Variants in ACTR3C observed in about 807,000 individuals in gnomAD.
ACTR3C encodes the protein actin-related protein 3C.
A neutral mutation model predicts 26.3 loss-of-function variants in ACTR3C; 18 were observed. That is an observed-to-expected ratio of 0.68 (90% CI 0.47 to 1.01). ACTR3C has a LOEUF of 1.01. ACTR3C is among the 50% of genes least tolerant of loss of function. The probability of loss-of-function intolerance (pLI) is 0.00; values close to 1 mark genes in which losing one functional copy is unlikely to be tolerated. For synonymous variants in ACTR3C, 55 were observed against 94.5 expected (o/e 0.58, Z 2.42); for missense variants, 184 against 250.7 (o/e 0.73, Z 1.80).
chr7:150,042,495 C>T, the ACTR3C span, among the ~76,000 whole-genome samples: 125 of 142,310 alleles, frequency 8.8e-4, no homozygotes, highest in African/African-American at 2.9e-3. Context: ...GTCCCCGCCT[C>T]GCGGGGATTG....
At chr7:150,220,335 C>T in the ACTR3C span, among the ~76,000 whole-genome samples, 5 of 146,536 alleles carry the variant, frequency 3.4e-5, no homozygotes, top group Non-Finnish European at 5.9e-5. Flanking sequence ...CCCAGATTCT[C>T]TACCTTCAAA....
the ACTR3C span, among the ~76,000 whole-genome samples, chr7:150,157,603 A>G: frequency 1.3e-5 from 2 of 152,048 alleles, no homozygotes; most frequent in East Asian, 3.9e-4. Flanking sequence ...AGGTGATCAC[A>G]TTATCTTTAG....
chr7:150,265,099 G>T (rs1479644031), intron 6 of ACTR3C, among the ~76,000 whole-genome samples: 7 of 152,042 alleles, frequency 4.6e-5, no homozygotes, highest in Non-Finnish European at 7.4e-5. Flanking sequence ...CTTCAAAAAG[G>T]CCAGTTTACC....
the ACTR3C span, among the ~76,000 whole-genome samples, chr7:149,971,493 G>A: frequency 1.3e-5 from 2 of 152,128 alleles, no homozygotes; most frequent in Non-Finnish European, 2.9e-5. Context: ...TCTTAGCTTT[G>A]CTCTTCTCTA....
intron 3 of ACTR3C, among the ~76,000 whole-genome samples, chr7:150,290,420 G>T (rs1210915467): frequency 6.6e-6 from 1 of 152,242 alleles, no homozygotes; most frequent in African/African-American, 2.4e-5. Context: ...CATCCAGCTT[G>T]TTCTACAGGG....
At chr7:150,142,624 G>A in the ACTR3C span, among the ~76,000 whole-genome samples, 1 of 152,000 alleles carries the variant, frequency 6.6e-6, no homozygotes, top group Non-Finnish European at 1.5e-5. Context: ...CGCCTCCCGG[G>A]TTCAAGCGAT....
At chr7:149,920,064 C>T in the ACTR3C span, among the ~76,000 whole-genome samples, 1 of 152,044 alleles carries the variant, frequency 6.6e-6, no homozygotes, top group Non-Finnish European at 1.5e-5. Flanking sequence ...TGGCTTATTT[C>T]TCCAAGAAAG....
chr7:150,299,945 G>A (rs1584965138), intron 1 of ACTR3C, among the ~76,000 whole-genome samples: 1 of 151,506 alleles, frequency 6.6e-6, no homozygotes, highest in African/African-American at 2.4e-5. Flanking sequence ...ATGGCTAATA[G>A]GGCACAAATA....
chr7:150,086,957 C>T, the ACTR3C span, among the ~76,000 whole-genome samples: 1 of 152,092 alleles, frequency 6.6e-6, no homozygotes, highest in East Asian at 1.9e-4. Flanking sequence ...AAGATAAAGA[C>T]AAGAAAGTAG....
At chr7:149,946,690 A>G in the ACTR3C span, among the ~76,000 whole-genome samples, 3,009 of 152,300 alleles carry the variant, frequency 0.02, 88 homozygotes, top group African/African-American at 0.068. Flanking sequence ...TAAATTTTTA[A>G]GTTCCAAATT....
chr7:150,286,324 G>A (rs1206455343), intron 5 of ACTR3C, 43 bp downstream of exon 5: 7 of 1,596,666 alleles, frequency 4.4e-6, no homozygotes, highest in South Asian at 1.1e-5. Context: ...TGGCAGTATC[G>A]CTCCATCCCA....
intron 2 of ACTR3C, among the ~76,000 whole-genome samples, chr7:150,294,469 TAGGCC>T (rs1836564216): frequency 6.6e-6 from 1 of 152,238 alleles, no homozygotes; most frequent in Admixed American, 6.5e-5. Context: ...AGTGTTTCCC[TAGGCC>T]ATGGAATATA....
At chr7:150,018,346 AT>A in the ACTR3C span, among the ~76,000 whole-genome samples, 274 of 143,156 alleles carry the variant, frequency 1.9e-3, 8 homozygotes, top group African/African-American at 4.8e-3. Context: ...TGGCCCAGGC[AT>A]TTTTTTTTTT....
chr7:150,224,637 C>G, the ACTR3C span, among the ~76,000 whole-genome samples: 1 of 152,118 alleles, frequency 6.6e-6, no homozygotes, highest in Admixed American at 6.5e-5. Context: ...GATTTCCTGG[C>G]CTGAGGGAGT....
chr7:150,023,338 C>CATACATACATACATAGATAG, the ACTR3C span, among the ~76,000 whole-genome samples: 2 of 46,056 alleles, frequency 4.3e-5, no homozygotes, highest in Admixed American at 3.2e-4. Flanking sequence ...TACATACATA[C>CATACATACATACATAGATAG]ATATATATTT....
At chr7:150,014,231 G>A in the ACTR3C span, among the ~76,000 whole-genome samples, 51 of 152,212 alleles carry the variant, frequency 3.4e-4, 1 homozygote, top group Middle Eastern at 6.8e-3. Context: ...CGAGGTGGGC[G>A]GATCACGAGG....
At chr7:150,148,437 A>G in the ACTR3C span, among the ~76,000 whole-genome samples, 1 of 152,074 alleles carries the variant, frequency 6.6e-6, no homozygotes, top group Non-Finnish European at 1.5e-5. Flanking sequence ...GGATCACACC[A>G]CTGGACTCCA....
the ACTR3C span, among the ~76,000 whole-genome samples, chr7:149,987,588 AAAAAG>A: frequency 1.1e-4 from 15 of 130,858 alleles, no homozygotes; most frequent in African/African-American, 3.3e-4. Flanking sequence ...TAAAAAATAA[AAAAAG>A]AAAAGAAAAG....
At chr7:150,008,884 C>A in the ACTR3C span, among the ~76,000 whole-genome samples, 1 of 151,532 alleles carries the variant, frequency 6.6e-6, no homozygotes, top group African/African-American at 2.4e-5. Flanking sequence ...ACGGGGCTCC[C>A]GCAAGTCATG....
Sources: allele counts gnomAD v4.1 joint callset (sites outside exome capture counted in the v4.1 genomes callset), GRCh38; gene constraint gnomAD v4.1.1; transcripts MANE v1.5; gene names NCBI Gene and HGNC (gene_info 2026-07-23, HGNC 2026-07-21).